Variants in ALK observed in about 807,000 individuals in gnomAD.
ALK encodes the protein ALK tyrosine kinase receptor.
In ALK, 74 loss-of-function variants were observed where a neutral mutation model predicts 163.1. The ratio of observed to expected loss-of-function variants is 0.45; its 90% confidence interval spans 0.38 to 0.55. The LOEUF (loss-of-function observed/expected upper bound fraction) is 0.55. ALK is among the 20% of genes least tolerant of loss of function. The pLI, the probability that ALK is intolerant of heterozygous loss-of-function variation, is 0.00. For missense variants in ALK, 2,063 were observed against 2,105.3 expected (o/e 0.98, Z 0.39); for synonymous variants, 960 against 843.2 (o/e 1.14, Z -2.40).
chr2:29,508,733 CAAAA>C (rs60719550), intron 4 of ALK, among the ~76,000 whole-genome samples: 18,637 of 66,514 alleles, frequency 0.28, 773 homozygotes, highest in South Asian at 0.42. Context: ...ATCTGCAACT[CAAAA>C]AAAAAAAAAA....
chr2:29,791,829 T>C (rs978408269), intron 1 of ALK, among the ~76,000 whole-genome samples: 8 of 152,190 alleles, frequency 5.3e-5, no homozygotes, highest in Non-Finnish European at 8.8e-5. Flanking sequence ...TTGTCATTCA[T>C]CATCAATTAA....
chr2:29,737,034 C>T (rs578062486), intron 1 of ALK, among the ~76,000 whole-genome samples: 5 of 152,198 alleles, frequency 3.3e-5, no homozygotes, highest in Admixed American at 3.3e-4. Flanking sequence ...TGATAGGTTG[C>T]ATATACTTTG....
At chr2:29,916,753 C>A (rs1667845297) in intron 1 of ALK, among the ~76,000 whole-genome samples, 1 of 152,210 alleles carries the variant, frequency 6.6e-6, no homozygotes, top group South Asian at 2.1e-4. Context: ...ATCCCCTAGC[C>A]CTCTGCCTGG....
chr2:29,704,299 G>T (rs1169944955), intron 2 of ALK, among the ~76,000 whole-genome samples: 1 of 152,166 alleles, frequency 6.6e-6, no homozygotes, highest in African/African-American at 2.4e-5. Flanking sequence ...GGCACAGGGA[G>T]GATCCTCTTT....
chr2:29,290,156 G>A (rs545996786), intron 9 of ALK, among the ~76,000 whole-genome samples: 1 of 152,188 alleles, frequency 6.6e-6, no homozygotes, highest in Non-Finnish European at 1.5e-5. Context: ...AGGGGAGGAA[G>A]GACCTCCACA....
chr2:29,869,762 A>G lies in ALK; in HGVS notation c.667+50231T>C, dbSNP rs563697596. On this transcript the variant is annotated intron_variant, in intron 1 of 28. Transcript: ENST00000389048. ...GGATTGAATTGCATGCCAAAAAATTATATGCAATATTAAAAGAAAATAAAC... is the reference window on the plus strand; with the variant it reads ...GGATTGAATTGCATGCCAAAAAATTGTATGCAATATTAAAAGAAAATAAAC... Among the ~76,000 whole-genome samples, 833 of 152,338 alleles carry G rather than the reference A, an allele frequency of 5.5e-3. 4 individuals are homozygous for G. The highest frequency in any genetic ancestry group is 7.7e-3 in the Non-Finnish European group (526 of 68,022).
intron 3 of ALK, among the ~76,000 whole-genome samples, chr2:29,540,556 TA>T (rs1431670443): frequency 1.4e-5 from 2 of 147,532 alleles, no homozygotes; most frequent in Non-Finnish European, 3.0e-5. Context: ...TTGGTAGAAA[TA>T]AAGGACTAAA....
intron 3 of ALK, among the ~76,000 whole-genome samples, chr2:29,541,208 C>A (rs1038847012): frequency 3.3e-5 from 5 of 152,144 alleles, no homozygotes; most frequent in African/African-American, 4.8e-5. Context: ...TAAATGTATT[C>A]TTTTCTGCAT....
chr2:29,784,279 A>C (rs924015083), intron 1 of ALK, among the ~76,000 whole-genome samples: 1 of 152,192 alleles, frequency 6.6e-6, no homozygotes, highest in African/African-American at 2.4e-5. Flanking sequence ...GAATGACGAG[A>C]GTTTCTCTTT....
chr2:29,518,168 A>G lies in ALK; in HGVS notation c.1154+13747T>C, dbSNP rs559409253. 5.3e-5 allele frequency among the ~76,000 whole-genome samples: 8 copies of G among 152,318 alleles called. No homozygotes were observed. The East Asian group carries it at 1.5e-3, about 29-fold the overall frequency. On this transcript the variant is annotated intron_variant, in intron 4 of 28. Transcript: ENST00000389048. The stretch of plus-strand genomic sequence containing the variant: ...ACTCCAGGCCCATTTTAAATAACGC[A>G]TCTAAATGTTAATGCACACTTAAGA...
intron 11 of ALK, among the ~76,000 whole-genome samples, chr2:29,256,636 G>C (rs1401104807): frequency 6.7e-6 from 1 of 150,368 alleles, no homozygotes; most frequent in East Asian, 1.9e-4. Flanking sequence ...TGAAATCCCT[G>C]AGCCTGGGGC....
chr2:29,520,201 C>T (rs1672776601), intron 4 of ALK, among the ~76,000 whole-genome samples: 1 of 152,122 alleles, frequency 6.6e-6, no homozygotes, highest in Non-Finnish European at 1.5e-5. Flanking sequence ...ATGGTTAAGG[C>T]CACAAATGGA....
chr2:29,746,577 G>A (rs1680212762), intron 1 of ALK, among the ~76,000 whole-genome samples: 1 of 152,214 alleles, frequency 6.6e-6, no homozygotes, highest in Non-Finnish European at 1.5e-5. Context: ...AATGTAGCAC[G>A]TGGCTCTCAT....
At chr2:29,491,741 T>C (rs1671907824) in intron 4 of ALK, among the ~76,000 whole-genome samples, 1 of 152,080 alleles carries the variant, frequency 6.6e-6, no homozygotes, top group Admixed American at 6.5e-5. Context: ...AACTGACAAA[T>C]TAGTTAGTGC....
At chr2:29,486,967 T>A (rs1414720599) in intron 4 of ALK, among the ~76,000 whole-genome samples, 14 of 152,192 alleles carry the variant, frequency 9.2e-5, no homozygotes, top group Non-Finnish European at 1.6e-4. Context: ...TTAAAAAATG[T>A]AAGCTTTTCT....
At chr2:29,626,665 C>T (rs193277366) in intron 3 of ALK, among the ~76,000 whole-genome samples, 30 of 152,272 alleles carry the variant, frequency 2.0e-4, no homozygotes, top group African/African-American at 6.7e-4. Context: ...TGTGAGGACA[C>T]AGTGACAAGG....
At chr2:29,659,816 A>G (rs1484455569) in intron 3 of ALK, among the ~76,000 whole-genome samples, 3 of 151,948 alleles carry the variant, frequency 2.0e-5, no homozygotes, top group African/African-American at 4.8e-5. Flanking sequence ...ATTACCATCA[A>G]TCTCTTAGAG....
intron 1 of ALK, among the ~76,000 whole-genome samples, chr2:29,753,386 G>A (rs901747874): frequency 2.0e-5 from 3 of 152,154 alleles, no homozygotes; most frequent in African/African-American, 7.2e-5. Flanking sequence ...GGGGGAGCAC[G>A]ACCACTGTGA....
chr2:29,910,583 A>G (rs1667676227), intron 1 of ALK, among the ~76,000 whole-genome samples: 2 of 152,176 alleles, frequency 1.3e-5, no homozygotes, highest in Non-Finnish European at 2.9e-5. Flanking sequence ...ATAAAAAGAA[A>G]ATCCTAAGGA....
Sources: gnomAD v4.1 joint callset for allele counts (sites outside exome capture counted in the v4.1 genomes callset) on GRCh38, gnomAD v4.1.1 for gene constraint, MANE v1.5 for transcripts, NCBI Gene and HGNC (gene_info 2026-07-23, HGNC 2026-07-21) for gene names.